The following FREM3 variants were observed in gnomAD, a reference collection of about 807,000 sequenced individuals.
FREM3 encodes FRAS1-related extracellular matrix protein 3.
A neutral mutation model predicts 129.1 loss-of-function variants in FREM3; 105 were observed. The ratio of observed to expected loss-of-function variants is 0.81; its 90% CI spans 0.69 to 0.96. The LOEUF (loss-of-function observed/expected upper bound fraction) is 0.96, where lower values mean the gene tolerates loss of function less well. FREM3 is among the 40% of genes least tolerant of loss of function. The pLI is 0.00. For synonymous variants in FREM3, 1,014 were observed against 1,044.9 expected (o/e 0.97, Z 0.57); for missense variants, 2,593 against 2,666.3 (o/e 0.97, Z 0.61).
chr4:143,605,209 A>G (rs1183040846), intron 6 of FREM3, among the ~76,000 whole-genome samples: 3 of 151,964 alleles, frequency 2.0e-5, no homozygotes, highest in Non-Finnish European at 4.4e-5. Context: ...TTTATATTTA[A>G]TATTGGAAAT....
chr4:143,623,009 G>A (rs1015498641), intron 4 of FREM3, among the ~76,000 whole-genome samples: 2 of 152,190 alleles, frequency 1.3e-5, no homozygotes, highest in Non-Finnish European at 2.9e-5. Context: ...GGTGGGGGCA[G>A]TGTTTTCTAC....
chr4:143,622,589 C>T (rs1233710307), intron 4 of FREM3, among the ~76,000 whole-genome samples: 1 of 152,008 alleles, frequency 6.6e-6, no homozygotes, highest in Non-Finnish European at 1.5e-5. Context: ...GAGAAAAGAC[C>T]AGTGATAGTT....
intron 2 of FREM3, among the ~76,000 whole-genome samples, chr4:143,634,158 G>A (rs1204444788): frequency 6.6e-6 from 1 of 152,066 alleles, no homozygotes; most frequent in African/African-American, 2.4e-5. Context: ...TTGATGTGAT[G>A]ATAAGAAGCC....
chr4:143,584,437 AT>A (rs1410479638), intron 7 of FREM3, among the ~76,000 whole-genome samples: 86 of 135,418 alleles, frequency 6.4e-4, no homozygotes, highest in African/African-American at 2.3e-3. Context: ...AAAAAAAAAA[AT>A]CTACCAAACA....
intron 2 of FREM3, among the ~76,000 whole-genome samples, chr4:143,648,098 A>G (rs1739450511): frequency 6.6e-6 from 1 of 152,206 alleles, no homozygotes; most frequent in Non-Finnish European, 1.5e-5. Flanking sequence ...GTCAAAGGAG[A>G]TCATTTCAGA....
intron 7 of FREM3, among the ~76,000 whole-genome samples, chr4:143,583,062 T>C (rs6838614): frequency 0.17 from 25,180 of 151,758 alleles, 2,154 homozygotes; most frequent in South Asian, 0.21. Flanking sequence ...TTTGTATTTT[T>C]TGAAGAGATG....
intron 2 of FREM3, among the ~76,000 whole-genome samples, chr4:143,662,895 A>G (rs1362319782): frequency 6.6e-6 from 1 of 152,074 alleles, no homozygotes; most frequent in Non-Finnish European, 1.5e-5. Flanking sequence ...ATCAGAAACT[A>G]GGATTGCAAC....
rs562144772 is a variant in FREM3 at position 143,646,975 on chromosome 4, C to G, written c.5276-19215G>C. ...GGAAAAGTTTAGAACTTCCTAGAGA[C>G]TTGTAGGGCTCAGAAGAAGACAGGA... On this transcript the variant is annotated intron_variant, in intron 2 of 7. Transcript: ENST00000329798. Among the ~76,000 whole-genome samples the G allele has an allele frequency of 1.6e-4, 24 of 152,150 alleles. No individual in the cohort carries two copies. The East Asian group carries it at 4.6e-3, about 29-fold the overall frequency.
rs73852626 is a variant in FREM3 at position 143,598,634 on chromosome 4, G to C, written c.6029-12641C>G. On this transcript the variant is annotated intron_variant, in intron 6 of 7. Coordinates refer to ENST00000329798, the MANE Select transcript of FREM3 (RefSeq NM_001168235.2). ...TGCTAGGGGCTTTGGACAAGAGGGT[G>C]TCTTGAACTCTCCTACCAGTTTTTA... Among the ~76,000 whole-genome samples the C allele has an allele frequency of 7.4e-3, 1,134 of 152,280 alleles. 13 individuals carry two copies. Among genetic ancestry groups the C allele is most frequent in the African/African-American group, 0.026 (1,061 of 41,544 alleles).
At chr4:143,620,820 A>T (rs908001749) in intron 5 of FREM3, among the ~76,000 whole-genome samples, 3 of 152,146 alleles carry the variant, frequency 2.0e-5, no homozygotes, top group Non-Finnish European at 4.4e-5. Flanking sequence ...CCAATTTTGA[A>T]TAAAGCGTTA....
chr4:143,660,873 T>C (rs937619170), intron 2 of FREM3, among the ~76,000 whole-genome samples: 4 of 152,242 alleles, frequency 2.6e-5, no homozygotes, highest in Non-Finnish European at 5.9e-5. Flanking sequence ...ACTCATGATT[T>C]GGCTCTCTGT....
In FREM3 at chr4:143,664,177, C is replaced by G. The variant is rs1029120439; in HGVS notation, c.5275+28936G>C. Among the ~76,000 whole-genome samples, 10 of 152,092 alleles carry G rather than the reference C, an allele frequency of 6.6e-5. 1 individual carries two copies. The highest frequency in any genetic ancestry group is 1.0e-4 in the Non-Finnish European group (7 of 68,002). ...AGAGGCGCTCTGGTTTTTAGAGTTTCCAGTTTTTCTGCTCTGTTTTTTCCC... is the reference window on the plus strand; with the variant it reads ...AGAGGCGCTCTGGTTTTTAGAGTTTGCAGTTTTTCTGCTCTGTTTTTTCCC... On this transcript the variant is annotated intron_variant, in intron 2 of 7. Transcript: ENST00000329798.
intron 6 of FREM3, among the ~76,000 whole-genome samples, chr4:143,606,429 G>A (rs2149838407): frequency 6.6e-6 from 1 of 151,862 alleles, no homozygotes; most frequent in Admixed American, 6.6e-5. Flanking sequence ...CTAACAATGG[G>A]GTTAAACTTT....
chr4:143,613,988 A>T (rs1002413181), intron 5 of FREM3, among the ~76,000 whole-genome samples: 3 of 151,672 alleles, frequency 2.0e-5, no homozygotes, highest in African/African-American at 7.3e-5. Flanking sequence ...TTTCTGTTTA[A>T]TTTTTTTTTA....
chr4:143,689,665 CTG>C (rs1284409901), intron 2 of FREM3, among the ~76,000 whole-genome samples: 3 of 151,264 alleles, frequency 2.0e-5, no homozygotes, highest in African/African-American at 7.3e-5. Flanking sequence ...GATAAAGAAA[CTG>C]TGATATATAT....
At chr4:143,589,764 C>T (rs956506966) in intron 6 of FREM3, among the ~76,000 whole-genome samples, 8 of 152,066 alleles carry the variant, frequency 5.3e-5, no homozygotes, top group East Asian at 1.9e-4. Context: ...GTAGTTTTTT[C>T]GAATTCTGTG....
intron 2 of FREM3, among the ~76,000 whole-genome samples, chr4:143,663,463 G>T (rs1054247177): frequency 5.3e-5 from 8 of 152,040 alleles, no homozygotes; most frequent in East Asian, 3.9e-4. Context: ...GCTGTTAGTC[G>T]GATGTGCTTC....
rs140957787 is a variant in FREM3 at position 143,581,171 on chromosome 4, G to A, written c.6179-3319C>T. On this transcript the variant is annotated intron_variant, in intron 7 of 7. Transcript: ENST00000329798. ...GTTCTCCATGCGAGTCCCTGCCACT[G>A]TTATCCTCACTGGGTAGGGCCTCTT... Among the ~76,000 whole-genome samples, 743 of 152,280 alleles carry A rather than the reference G, an allele frequency of 4.9e-3. 3 individuals are homozygous for A. The highest frequency in any genetic ancestry group is 8.0e-3 in the Non-Finnish European group (545 of 68,002).
intron 2 of FREM3, among the ~76,000 whole-genome samples, chr4:143,662,623 A>G (rs1214973410): frequency 6.6e-6 from 1 of 151,726 alleles, no homozygotes; most frequent in Non-Finnish European, 1.5e-5. Flanking sequence ...GCTGAGTTCA[A>G]TTCCTGGATA....
Sources: gnomAD v4.1 joint callset for allele counts (sites outside exome capture counted in the v4.1 genomes callset) on GRCh38, gnomAD v4.1.1 for gene constraint, MANE v1.5 for transcripts, NCBI Gene and HGNC (gene_info 2026-07-23, HGNC 2026-07-21) for gene names.